Variants in TENM2 observed in about 807,000 individuals in gnomAD.
The protein encoded by TENM2 is teneurin transmembrane protein 2.
Under a neutral mutation model 245.2 loss-of-function variants are expected in TENM2, and 52 were observed. That is an observed-to-expected ratio of 0.21 (90% CI 0.17 to 0.27). The LOEUF (loss-of-function observed/expected upper bound fraction) is 0.27. Ranked by LOEUF, TENM2 falls within the 10% of genes least tolerant of loss-of-function variation. The probability of loss-of-function intolerance (pLI) is 1.00; values close to 1 mark genes in which losing one functional copy is unlikely to be tolerated. For missense variants in TENM2, 3,046 were observed against 3,666.8 expected (o/e 0.83, Z 4.37); for synonymous variants, 1,363 against 1,438.9 (o/e 0.95, Z 1.19).
intron 13 of TENM2, among the ~76,000 whole-genome samples, chr5:168,174,223 T>C (rs989854880): frequency 3.9e-5 from 6 of 152,082 alleles, no homozygotes; most frequent in African/African-American, 1.4e-4. Flanking sequence ...TTGTGTTGCC[T>C]CCATTGCACA....
chr5:167,564,119 T>C (rs1562058507), intron 2 of TENM2, among the ~76,000 whole-genome samples: 1 of 152,004 alleles, frequency 6.6e-6, no homozygotes, highest in Admixed American at 6.6e-5. Flanking sequence ...GTGACCAAAA[T>C]CAGTAAACCA....
Position 168,127,347 on chromosome 5 carries a change from G to A in TENM2, c.2422+381G>A, listed in dbSNP as rs1795930685. ...CTGGATCACTGGATCCCTGCTTGCT[G>A]GCAACAAGGTGAACTCACTAATTTT... On this transcript the variant is annotated intron_variant, in intron 12 of 28. Coordinates refer to ENST00000518659, the Ensembl canonical transcript of TENM2. 2.0e-5 allele frequency among the ~76,000 whole-genome samples: 3 copies of A among 152,112 alleles called. No individual in the cohort carries two copies. In the South Asian group the frequency reaches 6.2e-4, roughly 32 times the overall value.
intron 3 of TENM2, among the ~76,000 whole-genome samples, chr5:167,910,007 T>C (rs1389669988): frequency 1.3e-5 from 2 of 151,998 alleles, no homozygotes; most frequent in Non-Finnish European, 2.9e-5. Context: ...TATAATTATA[T>C]AATACTGACC....
chr5:167,114,536 ACAATTAT>A, the TENM2 span, among the ~76,000 whole-genome samples: 1 of 152,262 alleles, frequency 6.6e-6, no homozygotes, highest in Non-Finnish European at 1.5e-5. Context: ...ACAAGAAGGA[ACAATTAT>A]TCAGAGGTCT....
At chr5:168,246,876 C>T in exon 27 of TENM2, 2 of 1,614,060 alleles carry the variant, frequency 1.2e-6, no homozygotes, top group South Asian at 2.2e-5. Context: ...CACACACCTC[C>T]ATCGGCTACA....
At position 168,218,439 on chromosome 5, in the gene TENM2, A is replaced by G. The variant is rs1446035782; in HGVS notation, c.4548A>G (p.Ala1516=). ...GGGAGATCTGCCTTTTAGCTGGGGC[A>G]GCCTCGGACTGCGACTGCAAAAACG... Residue 1516 remains alanine, a synonymous_variant, in exon 23 of 29, where the codon GCA becomes GCG. Coordinates refer to ENST00000518659, the Ensembl canonical transcript of TENM2. The surrounding 1 kb of genome is among the most constrained non-coding windows in gnomAD (Gnocchi z 5.2). 6.2e-7 allele frequency: 1 copy of G among 1,614,070 alleles called. No individual in the cohort carries two copies. Among genetic ancestry groups the G allele is most frequent in the Non-Finnish European group, 8.5e-7 (1 of 1,179,898 alleles).
intron 2 of TENM2, among the ~76,000 whole-genome samples, chr5:167,462,088 TAC>T (rs1766330102): frequency 6.6e-6 from 1 of 151,302 alleles, no homozygotes; most frequent in South Asian, 2.1e-4. Context: ...CATACATACA[TAC>T]ATGCATACAT....
At chr5:168,026,050 GT>G (rs1786595612) in intron 5 of TENM2, among the ~76,000 whole-genome samples, 1 of 152,168 alleles carries the variant, frequency 6.6e-6, no homozygotes, top group South Asian at 2.1e-4. Context: ...GAAGATCATA[GT>G]TGGGAGTGCT....
At chr5:167,011,531 G>A in the TENM2 span, among the ~76,000 whole-genome samples, 24 of 152,188 alleles carry the variant, frequency 1.6e-4, no homozygotes, top group Admixed American at 3.9e-4. Context: ...TGTTCTTTGC[G>A]TACTTGATGA....
intron 3 of TENM2, among the ~76,000 whole-genome samples, chr5:167,897,304 C>T (rs906621180): frequency 3.3e-5 from 5 of 150,946 alleles, no homozygotes; most frequent in Admixed American, 2.0e-4. Flanking sequence ...TTTTTTTTCC[C>T]TCCTGCTCAG....
At chr5:167,507,717 A>C (rs1055841541) in intron 2 of TENM2, among the ~76,000 whole-genome samples, 9 of 152,100 alleles carry the variant, frequency 5.9e-5, no homozygotes, top group Non-Finnish European at 1.3e-4. Context: ...AAAATAAAAA[A>C]ATAAAACAAT....
rs568076096 is a variant in TENM2, at chr5:167,389,997, ACAATGTCTACAGTGATCCCAGAT to A, written c.502+14546_502+14568del. 8.3e-4 allele frequency among the ~76,000 whole-genome samples: 127 copies of A among 152,236 alleles called. 1 individual carries two copies. The highest frequency in any genetic ancestry group is 5.8e-3 in the Admixed American group (89 of 15,274). ...ACTTTTTAGTTTGTATTAGCTTTTTACAATGTCTACAGTGATCCCAGATCAATGTCTACAGTGATCCCAGGTCC... is the reference window on the plus strand; with the variant it reads ...ACTTTTTAGTTTGTATTAGCTTTTTACAATGTCTACAGTGATCCCAGGTCC... On this transcript the variant is annotated intron_variant, in intron 2 of 28. Coordinates refer to ENST00000518659, the Ensembl canonical transcript of TENM2.
intron 2 of TENM2, among the ~76,000 whole-genome samples, chr5:167,518,814 T>C (rs1288997512): frequency 6.6e-6 from 1 of 152,148 alleles, no homozygotes; most frequent in Non-Finnish European, 1.5e-5. Flanking sequence ...TTGAATGGTG[T>C]GCTTGATTCA....
At chr5:167,644,820 G>A (rs1779825657) in intron 2 of TENM2, among the ~76,000 whole-genome samples, 2 of 152,186 alleles carry the variant, frequency 1.3e-5, no homozygotes, top group Admixed American at 6.5e-5. Flanking sequence ...CTGGTACTCA[G>A]TGACGTACAG....
At chr5:167,683,263 C>CTTTTT (rs1358544068) in intron 2 of TENM2, among the ~76,000 whole-genome samples, 1,515 of 148,872 alleles carry the variant, frequency 0.01, 38 homozygotes, top group African/African-American at 0.035. Flanking sequence ...TTTTTTTTCC[C>CTTTTT]CCCCTGGGCA....
intron 2 of TENM2, among the ~76,000 whole-genome samples, chr5:167,840,965 A>T (rs1317989358): frequency 2.2e-4 from 33 of 152,120 alleles, no homozygotes; most frequent in Admixed American, 2.2e-3. Flanking sequence ...TTTTTCACAC[A>T]ACACACCCAA....
chr5:167,470,680 G>A (rs1236132051), intron 2 of TENM2, among the ~76,000 whole-genome samples: 1 of 151,836 alleles, frequency 6.6e-6, no homozygotes, highest in Non-Finnish European at 1.5e-5. Context: ...TCTACTCAAT[G>A]ATCTGAAAGA....
intron 2 of TENM2, among the ~76,000 whole-genome samples, chr5:167,431,322 A>G (rs377016670): frequency 1.4e-4 from 21 of 152,276 alleles, no homozygotes; most frequent in African/African-American, 3.4e-4. Context: ...GACTTAGGTT[A>G]GTTCCCCCAT....
At chr5:167,952,400 T>G (rs1780180564) in intron 3 of TENM2, 188 bp from the exon 6 acceptor site, 1 of 603,142 alleles carries the variant, frequency 1.7e-6, no homozygotes, top group African/African-American at 1.9e-5. Flanking sequence ...TAAATGCAAA[T>G]CAAAGCCCAT....
Sources: allele counts gnomAD v4.1 joint callset (sites outside exome capture counted in the v4.1 genomes callset), GRCh38; gene constraint gnomAD v4.1.1; non-coding constraint Gnocchi (gnomAD v3.1); transcripts MANE v1.5; gene names NCBI Gene and HGNC (gene_info 2026-07-23, HGNC 2026-07-21).